MAG: variants seen among roughly 807,000 people sequenced by gnomAD.
MAG encodes the protein myelin associated glycoprotein.
MAG carries 30 observed loss-of-function variants against 60.7 expected under a neutral mutation model. That is an observed-to-expected ratio of 0.49 (90% confidence interval 0.37 to 0.67). The LOEUF is 0.67. Among genes scored for constraint, MAG ranks in the 30% least tolerant of loss-of-function variants. MAG has a pLI of 0.00. For missense variants in MAG, 795 were observed against 851.7 expected, an observed-to-expected ratio of 0.93 and a Z score of 0.83; for synonymous variants, 384 against 376.8, an observed-to-expected ratio of 1.02 and a Z score of -0.22.
At chr19:35,305,189 C>T (rs2066475154) in intron 7 of MAG, among the ~76,000 whole-genome samples, 1 of 152,186 alleles carries the variant, frequency 6.6e-6, no homozygotes, top group South Asian at 2.1e-4. Context: ...AGGCCTGTGT[C>T]AAAGTGCTTG....
In MAG at chr19:35,299,652, C is replaced by A; in HGVS notation, c.514C>A (p.Leu172Met). ...PDNCPELRPE[L>M]SWLGHEGLGE... Reference sequence around the variant, plus strand: ...CAACTGCCCAGAGCTGCGCCCTGAGCTGAGCTGGCTGGGCCACGAGGGGCT... The same window carrying A: ...CAACTGCCCAGAGCTGCGCCCTGAGATGAGCTGGCTGGGCCACGAGGGGCT... The change falls in exon 5 of 11, where the codon CTG becomes ATG. Residue 172 changes from leucine (L) to methionine (M), a missense_variant. Leu to Met is a conservative substitution (Grantham distance 15). Transcript: ENST00000392213. 6.2e-7 allele frequency: 1 copy of A among 1,608,538 alleles called. No individual in the cohort carries two copies. Among genetic ancestry groups the A allele is most frequent in the South Asian group, 1.1e-5 (1 of 89,942 alleles).
At chr19:35,294,836 CAGTTACTCTGA>C (rs2066383931) in intron 2 of MAG, among the ~76,000 whole-genome samples, 1 of 152,146 alleles carries the variant, frequency 6.6e-6, no homozygotes, top group South Asian at 2.1e-4. Context: ...CCTGAGGTCC[CAGTTACTCTGA>C]AGGATCGCTT....
chr19:35,311,054 C>T (rs533138898), intron 9 of MAG, among the ~76,000 whole-genome samples: 7 of 152,256 alleles, frequency 4.6e-5, no homozygotes, highest in South Asian at 2.1e-4. Context: ...AGGCCTTGGC[C>T]GGGCGCGTTG....
In MAG at chr19:35,293,422, C is replaced by T. The variant is rs1197963800; in HGVS notation, c.-79-813C>T. 3.3e-5 allele frequency among the ~76,000 whole-genome samples: 5 copies of T among 151,950 alleles called. No individual in the cohort carries two copies. The highest frequency in any genetic ancestry group is 5.9e-5 in the Non-Finnish European group (4 of 67,998). ...TGGGCACAGGGGTCCCTGTGCCTGT[C>T]TGTGTGTTCAGGGTCCTGTCTGGGT... On this transcript the variant is annotated intron_variant, in intron 1 of 10. Coordinates refer to ENST00000392213, the MANE Select transcript of MAG (RefSeq NM_002361.4). The surrounding 1 kb of genome is among the most constrained non-coding windows in gnomAD (Gnocchi z 4.0).
intron 6 of MAG, among the ~76,000 whole-genome samples, chr19:35,301,710 G>A (rs542820306): frequency 3.9e-5 from 6 of 152,012 alleles, no homozygotes; most frequent in African/African-American, 9.7e-5. Context: ...GATTACAGGC[G>A]TGAGCCACCA....
chr19:35,298,177 C>T lies in MAG; in HGVS notation c.416-1377C>T, dbSNP rs535465656. ...CACACACTACACACTGCACAAACCA[C>T]GCACACACTACACCCTATACACACT... is the stretch of plus-strand genomic sequence containing the variant. On this transcript the variant is annotated intron_variant, in intron 4 of 10. Coordinates refer to ENST00000392213, the MANE Select transcript of MAG (RefSeq NM_002361.4). Among the ~76,000 whole-genome samples the T allele has an allele frequency of 4.6e-5, 7 of 150,898 alleles. No individual in the cohort carries two copies. In the East Asian group the frequency reaches 5.9e-4, roughly 13 times the overall value.
At chr19:35,310,219 C>T in intron 8 of MAG, 58 bp downstream of exon 8, 1 of 1,548,474 alleles carries the variant, frequency 6.5e-7, no homozygotes, top group Admixed American at 1.8e-5. Context: ...GTCTTAGATC[C>T]AAGCTCCCAA....
chr19:35,299,515 T>G, intron 4 of MAG, 39 bp from the exon 5 acceptor site: 3 of 1,467,940 alleles, frequency 2.0e-6, no homozygotes, highest in Non-Finnish European at 2.8e-6. Context: ...CGTAGCCCAG[T>G]GCTGCTTTCT....
chr19:35,302,825 C>A, intron 7 of MAG, 117 bp downstream of exon 7: 4 of 1,262,120 alleles, frequency 3.2e-6, no homozygotes, highest in South Asian at 1.5e-5. Flanking sequence ...TCCGCAGAGA[C>A]AAGGAAGGGA....
intron 6 of MAG, among the ~76,000 whole-genome samples, chr19:35,301,858 G>C (rs374291423): frequency 5.9e-5 from 9 of 151,984 alleles, no homozygotes; most frequent in Non-Finnish European, 1.2e-4. Flanking sequence ...GAGCCACCAC[G>C]CTCGGACTCC....
At chr19:35,297,740 CCA>C (rs1403333161) in intron 4 of MAG, among the ~76,000 whole-genome samples, 2 of 149,592 alleles carry the variant, frequency 1.3e-5, no homozygotes, top group Non-Finnish European at 3.0e-5. Context: ...ACTGCACAAA[CCA>C]CACACACACT....
rs2066371334 is a variant in MAG at position 35,293,281 on chromosome 19, G to C, written c.-79-954G>C. Among the ~76,000 whole-genome samples, 1 of 151,364 alleles carries C rather than the reference G, an allele frequency of 6.6e-6. No individual in the cohort carries two copies. Among genetic ancestry groups the C allele is most frequent in the Non-Finnish European group, 1.5e-5 (1 of 67,754 alleles). On this transcript the variant is annotated intron_variant, in intron 1 of 10. Coordinates refer to ENST00000392213, the MANE Select transcript of MAG (RefSeq NM_002361.4). This position sits in a 1 kb window ranked among gnomAD's most constrained non-coding sequence, Gnocchi z 4.0. ...GCCTGGCATGCATGCTGGGCTGTGT[G>C]TGTGTGTGTGTGTGTGTGCTGAATG... is the stretch of plus-strand genomic sequence containing the variant.
intron 9 of MAG, 78 bp from the exon 10 acceptor site, chr19:35,311,840 C>T (rs2066529383): frequency 2.0e-6 from 2 of 989,148 alleles, no homozygotes; most frequent in African/African-American, 1.6e-5. Context: ...CTCTGAGGTC[C>T]CCTGAGCCAA....
chr19:35,292,174 G>A lies in MAG; in HGVS notation c.-110G>A, dbSNP rs565714243. 1.3e-5 allele frequency: 6 copies of A among 454,948 alleles called. No individual in the cohort carries two copies. Among genetic ancestry groups the A allele is most frequent in the South Asian group, 6.2e-5 (4 of 64,496 alleles). The allele number at this position is 454,948 out of a possible 1,614,324, so 28.2% of individuals were successfully genotyped here. A position where few individuals can be genotyped will look rare whatever the true frequency, so the allele number is the denominator to read the frequency against. ...GCAGGGGACTGCGAGCTGGGCTGGC[G>A]GAGCAGAGGTGCAGAAGCAACTGAG... On this transcript the variant is annotated 5_prime_UTR_variant, in exon 1 of 11. Coordinates refer to ENST00000392213, the MANE Select transcript of MAG (RefSeq NM_002361.4).
intron 7 of MAG, among the ~76,000 whole-genome samples, chr19:35,308,294 A>G (rs76597311): frequency 0.044 from 6,696 of 152,214 alleles, 432 homozygotes; most frequent in African/African-American, 0.14. Flanking sequence ...TGAGGGAGAA[A>G]CGTACAGACC....
chr19:35,300,420 T>A lies in MAG; in HGVS notation c.970+16T>A, dbSNP rs1279363067. ...AGTGTCATGTGTGAGTGGCCCACTC[T>A]GTGCGTCCACACGCCCACCTGCAGC... On this transcript the variant is annotated intron_variant, in intron 6 of 10. Transcript: ENST00000392213. 1 of 1,546,406 alleles carries A rather than the reference T, an allele frequency of 6.5e-7. No homozygotes were observed. The highest frequency in any genetic ancestry group is 8.7e-7 in the Non-Finnish European group (1 of 1,146,126).
At chr19:35,299,983 G>A in intron 5 of MAG, 133 bp downstream of exon 5, 1 of 657,002 alleles carries the variant, frequency 1.5e-6, no homozygotes, top group Non-Finnish European at 2.2e-6. Context: ...GCCAGGCAGG[G>A]ATTGGGGGGT....
rs1331706774 is a variant in MAG at position 35,293,201 on chromosome 19, G to A, written c.-80+997G>A. Among the ~76,000 whole-genome samples the A allele has an allele frequency of 6.6e-6, 1 of 151,956 alleles. No homozygotes were observed. Among genetic ancestry groups the A allele is most frequent in the African/African-American group, 2.4e-5 (1 of 41,304 alleles). On this transcript the variant is annotated intron_variant, in intron 1 of 10. Coordinates refer to ENST00000392213, the MANE Select transcript of MAG (RefSeq NM_002361.4). The surrounding 1 kb of genome is among the most constrained non-coding windows in gnomAD (Gnocchi z 4.0). ...GGTGTCCATCGGCGCGTGTCTGAGT[G>A]GACGCGTCTATAGCCATCCTCAGTG... is the stretch of plus-strand genomic sequence containing the variant.
rs2066368881 is a variant in MAG at position 35,293,062 on chromosome 19, G to C, written c.-80+858G>C. ...ATCCCGAGAACTTGTTTTCCCCGCT[G>C]TTAAGAGTGCATGGTCTACCTGCTT... On this transcript the variant is annotated intron_variant, in intron 1 of 10. Transcript: ENST00000392213. The surrounding 1 kb of genome is among the most constrained non-coding windows in gnomAD (Gnocchi z 4.0). Among the ~76,000 whole-genome samples, 1 of 152,088 alleles carries C rather than the reference G, an allele frequency of 6.6e-6. No homozygotes were observed. The highest frequency in any genetic ancestry group is 2.4e-5 in the African/African-American group (1 of 41,416).
Sources: gnomAD v4.1 joint callset for allele counts (sites outside exome capture counted in the v4.1 genomes callset) on GRCh38, gnomAD v4.1.1 for gene constraint, Gnocchi (gnomAD v3.1) non-coding constraint, MANE v1.5 for transcripts, NCBI Gene and HGNC (gene_info 2026-07-23, HGNC 2026-07-21) for gene names.